Variants in CFAP58 observed in about 807,000 individuals in gnomAD.
CFAP58 encodes cilia- and flagella-associated protein 58.
Under a neutral mutation model 119.5 loss-of-function variants are expected in CFAP58, and 88 were observed. The observed-to-expected ratio is 0.74, with a 90% CI of 0.62 to 0.88. CFAP58 has a LOEUF of 0.88. Ranked by LOEUF, CFAP58 falls within the 40% of genes least tolerant of loss-of-function variation. The pLI, the probability that CFAP58 is intolerant of heterozygous loss-of-function variation, is 0.00. For synonymous variants in CFAP58, 365 were observed against 366.3 expected, an observed-to-expected ratio of 1.00 and a Z score of 0.04; for missense variants, 990 against 1,021.2, an observed-to-expected ratio of 0.97 and a Z score of 0.42.
intron 4 of CFAP58, among the ~76,000 whole-genome samples, 163 bp from the exon 5 acceptor site, chr10:104,365,650 AG>A (rs2014732358): frequency 6.6e-6 from 1 of 152,208 alleles, no homozygotes; most frequent in African/African-American, 2.4e-5. Context: ...ATTCCTGAAA[AG>A]TTTGAACACT....
chr10:104,399,242 A>T, intron 11 of CFAP58, 118 bp from the exon 12 acceptor site: 2 of 1,047,400 alleles, frequency 1.9e-6, no homozygotes, highest in Non-Finnish European at 2.7e-6. Context: ...AAACTGTGTT[A>T]AATGAAACAT....
At chr10:104,451,745 T>C (rs1160443491) in intron 17 of CFAP58, among the ~76,000 whole-genome samples, 3 of 152,202 alleles carry the variant, frequency 2.0e-5, no homozygotes, top group Admixed American at 6.5e-5. Context: ...TCAGTAAAAC[T>C]CTTTTTTTGA....
intron 4 of CFAP58, among the ~76,000 whole-genome samples, chr10:104,365,219 C>CTTAT (rs1457477861): frequency 2.6e-5 from 4 of 152,202 alleles, no homozygotes; most frequent in East Asian, 3.9e-4. Context: ...TTTGGCCCTA[C>CTTAT]TTATTTATTT....
At chr10:104,443,764 C>A (rs995942023) in intron 15 of CFAP58, among the ~76,000 whole-genome samples, 2 of 152,152 alleles carry the variant, frequency 1.3e-5, no homozygotes, top group Middle Eastern at 3.2e-3. Context: ...GTAGCACTGA[C>A]TCTTATTTGC....
At chr10:104,439,827 A>AT (rs1260535853) in intron 15 of CFAP58, among the ~76,000 whole-genome samples, 1,771 of 150,246 alleles carry the variant, frequency 0.012, 26 homozygotes, top group Middle Eastern at 0.041. Flanking sequence ...CTGATTTACT[A>AT]TTTTTTTTTT....
rs777329125 is a variant in CFAP58, at chr10:104,358,658, T to G, written c.291+36T>G. On this transcript the variant is annotated intron_variant, in intron 2 of 17. Transcript: ENST00000369704. ...TTCTAGAAATGGAATGAACCTGAAT[T>G]TAAAACATCATTCTCTCATTATATT... 1.9e-6 allele frequency: 3 copies of G among 1,580,580 alleles called. No homozygotes were observed. The South Asian group carries it at 3.4e-5, about 18-fold the overall frequency.
At chr10:104,352,073 T>G (rs1397063672), upstream of CFAP58, 1 of 152,068 alleles carries the variant, frequency 6.6e-6, no homozygotes, top group Non-Finnish European at 1.5e-5. Context: ...GAAGTGAAAA[T>G]GAAAGCAAAA....
intron 17 of CFAP58, among the ~76,000 whole-genome samples, chr10:104,451,180 T>C (rs978096066): frequency 1.3e-5 from 2 of 152,224 alleles, no homozygotes; most frequent in African/African-American, 4.8e-5. Context: ...AAATTCATGC[T>C]TGGTACTTAT....
chr10:104,409,617 C>T (rs967736174), intron 15 of CFAP58, among the ~76,000 whole-genome samples: 7 of 152,036 alleles, frequency 4.6e-5, no homozygotes, highest in Non-Finnish European at 1.0e-4. Flanking sequence ...TGACATTTTT[C>T]GCTTTAAGAA....
At chr10:104,342,013 T>C in the CFAP58 span, among the ~76,000 whole-genome samples, 1 of 152,202 alleles carries the variant, frequency 6.6e-6, no homozygotes, top group African/African-American at 2.4e-5. Flanking sequence ...AATACCAGAC[T>C]GTAATTTTTA....
intron 15 of CFAP58, among the ~76,000 whole-genome samples, chr10:104,430,129 G>T (rs1475862293): frequency 6.6e-6 from 1 of 152,198 alleles, no homozygotes; most frequent in African/African-American, 2.4e-5. Context: ...AAGTACTGAT[G>T]TGGATAATGT....
Position 104,403,782 on chromosome 10 carries a change from G to C in CFAP58, c.2093G>C (p.Arg698Pro). The C allele has an allele frequency of 3.1e-6, 5 of 1,612,962 alleles. No homozygotes were observed. The highest frequency in any genetic ancestry group is 4.2e-6 in the Non-Finnish European group (5 of 1,179,602). Residue 698 changes from arginine to proline, a missense_variant, in exon 14 of 18, where the codon CGA becomes CCA. Arg to Pro is a moderately radical substitution (Grantham distance 103, BLOSUM62 -2). Coordinates refer to ENST00000369704, the MANE Select transcript of CFAP58 (RefSeq NM_001008723.2). ...RELLKERTRCRALEEELENPL... is the reference protein window; with the variant it reads ...RELLKERTRCPALEEELENPL... ...TTGTTGAAGGAGAGGACACGCTGCC[G>C]AGCCCTGGAGGAGGAGCTGGAGAAT...
chr10:104,366,027 T>C lies in CFAP58; in HGVS notation c.792+19T>C. On this transcript the variant is annotated intron_variant, in intron 5 of 17. Transcript: ENST00000369704. The stretch of plus-strand genomic sequence containing the variant: ...GCAGAAGGTGAGTTGGGTGTGGGTC[T>C]TCGCAAAAAACCAAGAAAAACCCAG... 1 of 1,544,052 alleles carries C rather than the reference T, an allele frequency of 6.5e-7. No individual in the cohort carries two copies. The highest frequency in any genetic ancestry group is 8.7e-7 in the Non-Finnish European group (1 of 1,150,044).
intron 9 of CFAP58, 85 bp from the exon 10 acceptor site, chr10:104,392,148 C>A: frequency 8.4e-7 from 1 of 1,196,004 alleles, no homozygotes; most frequent in East Asian, 2.4e-5. Context: ...TACCAGCCAC[C>A]CTTAGATAAA....
intron 9 of CFAP58, among the ~76,000 whole-genome samples, chr10:104,391,686 C>T (rs17116984): frequency 0.053 from 8,053 of 152,206 alleles, 493 homozygotes; most frequent in African/African-American, 0.15. Flanking sequence ...CCTGGAAGTA[C>T]TTTGTGCACA....
chr10:104,436,682 C>T (rs1011096005), intron 15 of CFAP58, among the ~76,000 whole-genome samples: 15 of 152,194 alleles, frequency 9.9e-5, no homozygotes, highest in Non-Finnish European at 1.5e-4. Flanking sequence ...CCCACCAGGA[C>T]CCACCTCCAG....
At chr10:104,448,184 T>C (rs1327378645) in intron 16 of CFAP58, among the ~76,000 whole-genome samples, 1 of 152,218 alleles carries the variant, frequency 6.6e-6, no homozygotes, top group Non-Finnish European at 1.5e-5. Context: ...ATTGACCAAC[T>C]GAAGCAGACT....
intron 1 of CFAP58, 111 bp from the exon 2 acceptor site, chr10:104,358,230 T>C: frequency 9.0e-7 from 1 of 1,113,338 alleles, no homozygotes; most frequent in Non-Finnish European, 1.3e-6. Flanking sequence ...ATCAGTGGTT[T>C]TAATTTTGCT....
At chr10:104,365,000 A>C in intron 4 of CFAP58, 111 bp downstream of exon 4, 1 of 1,057,460 alleles carries the variant, frequency 9.5e-7, no homozygotes, top group Non-Finnish European at 1.4e-6. Context: ...CTAGCGCCCA[A>C]ATGAAACATC....
Sources: gnomAD v4.1 joint callset for allele counts (sites outside exome capture counted in the v4.1 genomes callset) on GRCh38, gnomAD v4.1.1 for gene constraint, MANE v1.5 for transcripts, NCBI Gene and HGNC (gene_info 2026-07-23, HGNC 2026-07-21) for gene names.